The following MAD1L1 variants were observed in gnomAD, a reference collection of about 807,000 sequenced individuals.
The protein encoded by MAD1L1 is mitotic arrest deficient 1 like 1.
MAD1L1 carries 95 observed loss-of-function variants against 96.9 expected under a neutral mutation model. The ratio of observed to expected loss-of-function variants is 0.98; its 90% confidence interval spans 0.83 to 1.16. The LOEUF is 1.16. MAD1L1 is among the 50% of genes most tolerant of loss of function. The probability of loss-of-function intolerance (pLI) is 0.00; values close to 1 mark genes in which losing one functional copy is unlikely to be tolerated. For missense variants in MAD1L1, 1,007 were observed against 954.4 expected, an observed-to-expected ratio of 1.06 and a Z score of -0.73; for synonymous variants, 473 against 396.6, an observed-to-expected ratio of 1.19 and a Z score of -2.29.
intron 12 of MAD1L1, among the ~76,000 whole-genome samples, chr7:2,043,302 C>T (rs994640276): frequency 3.9e-5 from 6 of 152,186 alleles, no homozygotes; most frequent in Admixed American, 2.0e-4. Flanking sequence ...CCTGTGGTTC[C>T]CCTCCTGACA....
At chr7:2,077,541 C>T (rs930337267) in intron 11 of MAD1L1, among the ~76,000 whole-genome samples, 2 of 152,216 alleles carry the variant, frequency 1.3e-5, no homozygotes, top group African/African-American at 4.8e-5. Flanking sequence ...TGACACGTTC[C>T]ATGTGTCTCT....
chr7:2,177,210 A>G (rs1217681718), intron 10 of MAD1L1, among the ~76,000 whole-genome samples: 2 of 152,244 alleles, frequency 1.3e-5, no homozygotes, highest in African/African-American at 4.8e-5. Flanking sequence ...ATAGTGTTAC[A>G]GCCACAATTT....
intron 12 of MAD1L1, among the ~76,000 whole-genome samples, chr7:2,064,598 G>C (rs1409842218): frequency 6.6e-6 from 1 of 152,012 alleles, no homozygotes; most frequent in Non-Finnish European, 1.5e-5. Flanking sequence ...CTTCTCCCGG[G>C]AATGTGGCAG....
At chr7:2,130,253 G>A (rs540128713) in intron 11 of MAD1L1, among the ~76,000 whole-genome samples, 17 of 152,284 alleles carry the variant, frequency 1.1e-4, no homozygotes, top group South Asian at 8.3e-4. Flanking sequence ...GTGCCTCCCC[G>A]CTGAAATATT....
rs900236358 is a variant in MAD1L1 at position 2,142,996 on chromosome 7, TG to T, written c.1073+6155del. On this transcript the variant is annotated intron_variant, in intron 11 of 18. Transcript: ENST00000265854. This position sits in a 1 kb window ranked among gnomAD's most constrained non-coding sequence, Gnocchi z 4.7. Reference sequence around the variant, plus strand: ...AGACATCCTGCCCCACAGAGTCCCCTGGAAAACTTACCCCTGCCATGCCCTG... The same window carrying T: ...AGACATCCTGCCCCACAGAGTCCCCTGAAAACTTACCCCTGCCATGCCCTG... 2.6e-5 allele frequency among the ~76,000 whole-genome samples: 4 copies of T among 152,142 alleles called. No homozygotes were observed. The highest frequency in any genetic ancestry group is 9.7e-5 in the African/African-American group (4 of 41,426).
intron 17 of MAD1L1, among the ~76,000 whole-genome samples, chr7:1,921,623 C>G (rs889000853): frequency 6.6e-6 from 1 of 151,764 alleles, no homozygotes; most frequent in African/African-American, 2.4e-5. Context: ...CTGGCCGTGA[C>G]AAAGTAATTC....
At chr7:2,094,010 C>G (rs558591092) in intron 11 of MAD1L1, among the ~76,000 whole-genome samples, 37 of 152,296 alleles carry the variant, frequency 2.4e-4, no homozygotes, top group African/African-American at 8.4e-4. Flanking sequence ...TCAGGCCACG[C>G]GGGCGCAGAC....
chr7:1,889,531 G>A (rs1187336661), intron 18 of MAD1L1, among the ~76,000 whole-genome samples: 2 of 152,144 alleles, frequency 1.3e-5, no homozygotes, highest in Admixed American at 6.5e-5. Context: ...GGCCTGCACC[G>A]GTGGTTCTGA....
intron 18 of MAD1L1, among the ~76,000 whole-genome samples, chr7:1,892,380 A>G (rs1246115354): frequency 2.0e-5 from 3 of 152,220 alleles, no homozygotes; most frequent in Non-Finnish European, 4.4e-5. Flanking sequence ...AGACTTACAC[A>G]TATACACACA....
intron 17 of MAD1L1, among the ~76,000 whole-genome samples, chr7:1,935,477 T>C (rs1033867673): frequency 2.6e-5 from 4 of 152,132 alleles, no homozygotes; most frequent in Non-Finnish European, 5.9e-5. Flanking sequence ...ACTAAGCCCC[T>C]ACCTGCCGGC....
intron 18 of MAD1L1, among the ~76,000 whole-genome samples, chr7:1,895,022 A>G (rs1786779108): frequency 6.6e-6 from 1 of 152,144 alleles, no homozygotes. Flanking sequence ...GGAAAAACAC[A>G]AGGTGGCACG....
At chr7:2,218,346 T>C (rs1484407936) in intron 6 of MAD1L1, among the ~76,000 whole-genome samples, 1 of 151,914 alleles carries the variant, frequency 6.6e-6, no homozygotes, top group East Asian at 1.9e-4. Context: ...AACCCACAGC[T>C]CTCACCTGCC....
At chr7:1,849,087 C>T (rs112503464) in intron 18 of MAD1L1, 35 of 71,506 alleles carry the variant, frequency 4.9e-4, no homozygotes, top group Middle Eastern at 2.3e-3. Flanking sequence ...TGCACATGCA[C>T]GGACACATGC....
Position 2,014,633 on chromosome 7 carries a change from C to G in MAD1L1, c.1228G>C (p.Gly410Arg). 6.2e-7 allele frequency: 1 copy of G among 1,609,948 alleles called. No individual in the cohort carries two copies. The highest frequency in any genetic ancestry group is 8.5e-7 in the Non-Finnish European group (1 of 1,178,388). The change falls in exon 13 of 19, where the codon GGT becomes CGT. Residue 410 changes from glycine (G) to arginine (R), a missense_variant. By Grantham distance (125) the Gly-to-Arg change is moderately radical. Transcript: ENST00000265854. ...RVLLLTKERD[G>R]MRAILGSYDS... ...TAGGACCCCAGGATGGCCCGCATACCGTCCCGCTCCTGTGGACACAGAGGG... is the reference window on the plus strand; with the variant it reads ...TAGGACCCCAGGATGGCCCGCATACGGTCCCGCTCCTGTGGACACAGAGGG...
chr7:1,920,989 G>A (rs1309185856), intron 17 of MAD1L1, among the ~76,000 whole-genome samples: 5 of 152,196 alleles, frequency 3.3e-5, no homozygotes, highest in Non-Finnish European at 7.3e-5. Flanking sequence ...TGGAGACGAC[G>A]AGACAGGCAA....
chr7:1,909,489 G>A (rs143722116), intron 17 of MAD1L1, among the ~76,000 whole-genome samples: 106 of 152,344 alleles, frequency 7.0e-4, no homozygotes, highest in African/African-American at 2.3e-3. Flanking sequence ...ATGGCTGTGC[G>A]ATTTGTATCC....
chr7:2,082,331 G>C (rs1785695715), intron 11 of MAD1L1, among the ~76,000 whole-genome samples: 1 of 152,112 alleles, frequency 6.6e-6, no homozygotes, highest in African/African-American at 2.4e-5. Context: ...AGTGCAGGAG[G>C]GAGAAGGGAG....
chr7:1,901,995 C>T (rs747662473), intron 17 of MAD1L1, among the ~76,000 whole-genome samples: 8 of 152,210 alleles, frequency 5.3e-5, no homozygotes, highest in Non-Finnish European at 1.0e-4. Flanking sequence ...CTGATGGGCT[C>T]TCAAGGCCTC....
At chr7:2,150,003 G>A (rs952450451) in intron 10 of MAD1L1, among the ~76,000 whole-genome samples, 10 of 152,216 alleles carry the variant, frequency 6.6e-5, no homozygotes, top group African/African-American at 2.4e-4. Flanking sequence ...TCAGGCCCGA[G>A]GACCCATCCT....
Sources: allele counts gnomAD v4.1 joint callset (sites outside exome capture counted in the v4.1 genomes callset), GRCh38; gene constraint gnomAD v4.1.1; non-coding constraint Gnocchi (gnomAD v3.1); transcripts MANE v1.5; gene names NCBI Gene and HGNC (gene_info 2026-07-23, HGNC 2026-07-21).